AKT3: variants seen among roughly 807,000 people sequenced by gnomAD.
The protein encoded by AKT3 is AKT serine/threonine kinase 3, also known as RAC-gamma serine/threonine-protein kinase.
Under a neutral mutation model 65.3 loss-of-function variants are expected in AKT3, and 15 were observed. The ratio of observed to expected loss-of-function variants is 0.23; its 90% confidence interval spans 0.15 to 0.35. The LOEUF is 0.35. Ranked by LOEUF, AKT3 falls within the 10% of genes least tolerant of loss-of-function variation. AKT3 has a pLI of 1.00. For missense variants in AKT3, 243 were observed against 576.5 expected (o/e 0.42, Z 5.92); for synonymous variants, 206 against 183.8 (o/e 1.12, Z -0.98).
At chr1:243,658,444 AAAC>A (rs1232648715) in intron 4 of AKT3, among the ~76,000 whole-genome samples, 1 of 152,174 alleles carries the variant, frequency 6.6e-6, no homozygotes, top group Non-Finnish European at 1.5e-5. Context: ...GTTTTTAAAA[AAAC>A]AACAACATAA....
chr1:243,753,262 G>A (rs143895401), intron 2 of AKT3, among the ~76,000 whole-genome samples: 89 of 152,264 alleles, frequency 5.8e-4, no homozygotes, highest in African/African-American at 2.0e-3. Flanking sequence ...CTTAAGCAGT[G>A]TAAAAAATTA....
At chr1:243,622,047 C>T (rs1010268615) in intron 6 of AKT3, among the ~76,000 whole-genome samples, 3 of 152,302 alleles carry the variant, frequency 2.0e-5, no homozygotes, top group East Asian at 3.9e-4. Flanking sequence ...TGTAACTACA[C>T]GGCATAAAAA....
intron 8 of AKT3, among the ~76,000 whole-genome samples, chr1:243,603,507 G>A (rs1423621903): frequency 6.6e-6 from 1 of 152,154 alleles, no homozygotes; most frequent in Admixed American, 6.5e-5. Context: ...ATCTACAGCT[G>A]TGTCTACAGC....
intron 5 of AKT3, among the ~76,000 whole-genome samples, chr1:243,645,336 T>A (rs1572090857): frequency 6.6e-6 from 1 of 152,332 alleles, no homozygotes; most frequent in Middle Eastern, 3.4e-3. Context: ...AAATTTATAT[T>A]GCTCATAAAA....
chr1:243,629,239 G>C (rs940217177), intron 6 of AKT3, among the ~76,000 whole-genome samples: 1 of 152,154 alleles, frequency 6.6e-6, no homozygotes, highest in Non-Finnish European at 1.5e-5. Context: ...TTGCACCATT[G>C]CATTCCAGCC....
intron 2 of AKT3, among the ~76,000 whole-genome samples, chr1:243,773,958 C>T (rs1558798579): frequency 6.6e-6 from 1 of 152,058 alleles, no homozygotes; most frequent in Non-Finnish European, 1.5e-5. Context: ...TTTAAGATAA[C>T]TTAACAAAGC....
At chr1:243,849,622 C>A (rs1695673430) in intron 1 of AKT3, among the ~76,000 whole-genome samples, 1 of 150,834 alleles carries the variant, frequency 6.6e-6, no homozygotes, top group African/African-American at 2.4e-5. Context: ...TCCAGGCGGG[C>A]GCCCCCTCCC....
At chr1:243,488,607 C>T (rs1487989822) in intron 13 of AKT3, among the ~76,000 whole-genome samples, 1 of 152,184 alleles carries the variant, frequency 6.6e-6, no homozygotes, top group Non-Finnish European at 1.5e-5. Flanking sequence ...ACCCTTACTT[C>T]AGTGTTTCCA....
At chr1:243,726,911 A>G (rs528767976) in intron 2 of AKT3, among the ~76,000 whole-genome samples, 77 of 152,352 alleles carry the variant, frequency 5.1e-4, no homozygotes, top group Admixed American at 1.5e-3. Flanking sequence ...AGCAAAGCAG[A>G]TAAGATTCTG....
intron 6 of AKT3, among the ~76,000 whole-genome samples, chr1:243,633,113 G>T (rs796450755): frequency 3.9e-5 from 6 of 152,270 alleles, no homozygotes; most frequent in African/African-American, 1.4e-4. Flanking sequence ...CATTCAAAGT[G>T]CTGAAGGAAA....
intron 2 of AKT3, among the ~76,000 whole-genome samples, chr1:243,818,944 C>T (rs1362464048): frequency 6.6e-6 from 1 of 152,226 alleles, no homozygotes; most frequent in Admixed American, 6.5e-5. Flanking sequence ...CACCCTCAGC[C>T]AAGGGAGGCA....
intron 4 of AKT3, among the ~76,000 whole-genome samples, chr1:243,647,415 G>A (rs1680904458): frequency 1.3e-5 from 2 of 152,122 alleles, no homozygotes; most frequent in African/African-American, 4.8e-5. Context: ...CTAGGTATGG[G>A]GTGGGCTATA....
In AKT3 at chr1:243,611,669, G is replaced by A. The variant is rs890868523; in HGVS notation, c.696+2002C>T. On this transcript the variant is annotated intron_variant, in intron 8 of 13. Coordinates refer to ENST00000673466, the MANE Select transcript of AKT3 (RefSeq NM_005465.7). ...ACTACAATCCAGCCTGAATGACAGA[G>A]CCAGACCCCATCTCAAAAAAAAAAA... Among the ~76,000 whole-genome samples, 3 of 135,518 alleles carry A rather than the reference G, an allele frequency of 2.2e-5. No homozygotes were observed. In the Admixed American group the frequency reaches 2.4e-4, roughly 11 times the overall value. The allele number at this position is 135,518 out of a possible 152,430, so 88.9% of individuals were successfully genotyped here.
intron 3 of AKT3, among the ~76,000 whole-genome samples, chr1:243,670,148 G>A (rs898380762): frequency 6.6e-5 from 10 of 152,080 alleles, no homozygotes; most frequent in Admixed American, 1.3e-4. Context: ...ATAATGTTAC[G>A]TGTAATTACA....
At chr1:243,649,163 A>C (rs2147857376) in intron 4 of AKT3, among the ~76,000 whole-genome samples, 1 of 152,178 alleles carries the variant, frequency 6.6e-6, no homozygotes, top group Admixed American at 6.5e-5. Context: ...GATTATAAAA[A>C]ATTATGTTAA....
chr1:243,832,449 A>C (rs1481726822), intron 2 of AKT3, among the ~76,000 whole-genome samples: 1 of 152,220 alleles, frequency 6.6e-6, no homozygotes, highest in Non-Finnish European at 1.5e-5. Context: ...CATACCTAGC[A>C]AAATTTCACT....
At chr1:243,656,365 C>T (rs1046640410) in intron 4 of AKT3, among the ~76,000 whole-genome samples, 1 of 151,966 alleles carries the variant, frequency 6.6e-6, no homozygotes. Context: ...ATGTGTGCTA[C>T]TAAAGTTTAA....
At chr1:243,837,506 T>A (rs1419101923) in intron 2 of AKT3, among the ~76,000 whole-genome samples, 1 of 152,222 alleles carries the variant, frequency 6.6e-6, no homozygotes, top group East Asian at 1.9e-4. Context: ...AATACTCTTG[T>A]AAATGCAAAA....
At chr1:243,788,458 C>T (rs1691410416) in intron 2 of AKT3, among the ~76,000 whole-genome samples, 1 of 152,106 alleles carries the variant, frequency 6.6e-6, no homozygotes, top group South Asian at 2.1e-4. Context: ...TTCCGGGACC[C>T]ACTAAGGATA....
Sources: allele counts gnomAD v4.1 joint callset (sites outside exome capture counted in the v4.1 genomes callset), GRCh38; gene constraint gnomAD v4.1.1; transcripts MANE v1.5; gene names NCBI Gene and HGNC (gene_info 2026-07-23, HGNC 2026-07-21).